MUC5AC: variants seen among roughly 807,000 people sequenced by gnomAD.
MUC5AC encodes mucin-5AC.
Under a neutral mutation model 169.7 loss-of-function variants are expected in MUC5AC, and 158 were observed. The ratio of observed to expected loss-of-function variants is 0.93; its 90% confidence interval spans 0.82 to 1.06. MUC5AC has a LOEUF of 1.06. MUC5AC is among the 50% of genes least tolerant of loss of function. The probability of loss-of-function intolerance (pLI) is 0.00; values close to 1 mark genes in which losing one functional copy is unlikely to be tolerated. For synonymous variants in MUC5AC, 1,975 were observed against 1,237.0 expected (o/e 1.60, Z -12.52); for missense variants, 4,359 against 3,089.9 (o/e 1.41, Z -9.74).
intron 15 of MUC5AC, among the ~76,000 whole-genome samples, chr11:1,169,980 AC>A (rs1860453275): frequency 7.4e-6 from 1 of 134,900 alleles, no homozygotes; most frequent in Admixed American, 7.4e-5. Context: ...CTACTCACTC[AC>A]CCACTCACCC....
rs1486750592 is a variant in MUC5AC, at chr11:1,187,526, T to A, written c.9381T>A (p.Ile3127=). Residue 3127 remains isoleucine, a synonymous_variant, in exon 31 of 49, where the codon ATT becomes ATA. Coordinates refer to ENST00000621226, the MANE Select transcript of MUC5AC (RefSeq NM_001304359.2). ...TSGLGTTPSP[I]PTTSTTSPPT... is the part of the protein sequence containing the mutation. ...GTCTTGGAACTACTCCCAGCCCTAT[T>A]CCTACCACCAGCACAACCTCTCCTC... The A allele has an allele frequency of 4.0e-6, 3 of 742,586 alleles. No homozygotes were observed. The highest frequency in any genetic ancestry group is 3.6e-5 in the Admixed American group (2 of 55,464). The allele number at this position is 742,586 out of a possible 1,614,324, so 46.0% of individuals were successfully genotyped here. A position where few individuals can be genotyped will look rare whatever the true frequency, so the allele number is the denominator to read the frequency against.
At position 1,188,050 on chromosome 11, in the gene MUC5AC, A is replaced by T; in HGVS notation, c.9905A>T (p.Asp3302Val). Reference protein sequence around the residue: ...REEGLVCRNQDQQGPFKMCLN... With the variant: ...REEGLVCRNQVQQGPFKMCLN... ...GAGGGCCTGGTGTGCCGGAACCAGG[A>T]CCAGCAGGGACCCTTCAAGATGTGC... Residue 3302 changes from aspartate to valine, a missense_variant, in exon 31 of 49, where the codon GAC (aspartate) becomes GTC (valine). Physicochemically the swap from Asp to Val is radical, Grantham distance 152 (BLOSUM62 -3). Coordinates refer to ENST00000621226, the MANE Select transcript of MUC5AC (RefSeq NM_001304359.2). The T allele has an allele frequency of 1.3e-6, 1 of 750,734 alleles. No individual in the cohort carries two copies. Among genetic ancestry groups the T allele is most frequent in the Non-Finnish European group, 2.4e-6 (1 of 410,442 alleles). 46.5% of individuals were successfully genotyped at this position (750,734 alleles called of 1,614,324 possible).
chr11:1,190,292 C>G lies in MUC5AC; in HGVS notation c.12147C>G (p.Leu4049=). 2 of 701,156 alleles carry G rather than the reference C, an allele frequency of 2.9e-6. No homozygotes were observed. 43.4% of individuals were successfully genotyped at this position (701,156 alleles called of 1,614,324 possible). A position where few individuals can be genotyped will look rare whatever the true frequency, so the allele number is the denominator to read the frequency against. ...KMCLNYEVRV[L]CCETPKGCPV... The stretch of plus-strand genomic sequence containing the variant: ...GCCTCAACTACGAGGTGCGTGTGCT[C>G]TGCTGCGAGACCCCCAAAGGCTGCC... The change falls in exon 31 of 49, where the codon CTC becomes CTG. Residue 4049 remains leucine (L), a synonymous_variant. Transcript: ENST00000621226.
intron 37 of MUC5AC, 63 bp from the exon 38 acceptor site, chr11:1,196,325 G>A (rs888901573): frequency 1.2e-5 from 9 of 753,450 alleles, no homozygotes; most frequent in African/African-American, 6.8e-5. Context: ...GGTGCCCAGC[G>A]GCCCGCGTTG....
rs1283261271 is a variant in MUC5AC at position 1,189,998 on chromosome 11, A to T, written c.11853A>T (p.Arg3951Ser). The T allele has an allele frequency of 2.5e-4, 191 of 765,142 alleles. 2 individuals are homozygous for T. Among genetic ancestry groups the T allele is most frequent in the South Asian group, 2.4e-3 (182 of 74,620 alleles). 47.4% of individuals were successfully genotyped at this position (765,142 alleles called of 1,614,324 possible). ...CAACCCACTCCCAACCAGTCACCAGAGACTGTCATCCCCGGTGCACCTGGA... is the reference window on the plus strand; with the variant it reads ...CAACCCACTCCCAACCAGTCACCAGTGACTGTCATCCCCGGTGCACCTGGA... ...SKTTHSQPVT[R>S]DCHPRCTWTK... Residue 3951 changes from arginine to serine, a missense_variant, in exon 31 of 49, where the codon AGA becomes AGT. Physicochemically the swap from Arg to Ser is moderately radical, Grantham distance 110. Transcript: ENST00000621226.
rs1298375466 is a variant in MUC5AC, at chr11:1,171,084, A to C, written c.1871-1345A>C. On this transcript the variant is annotated intron_variant, in intron 15 of 48. Transcript: ENST00000621226. ...CCCACTCACCGACTCACCCATTCAC[A>C]CACTCACCGACTCAACCATTCACTC... 1.9e-3 allele frequency among the ~76,000 whole-genome samples: 180 copies of C among 96,546 alleles called. 2 individuals are homozygous for C. The highest frequency in any genetic ancestry group is 2.2e-3 in the Non-Finnish European group (89 of 40,934). 63.3% of individuals were successfully genotyped at this position (96,546 alleles called of 152,430 possible). A position where few individuals can be genotyped will look rare whatever the true frequency, so the allele number is the denominator to read the frequency against.
At position 1,193,629 on chromosome 11, in the gene MUC5AC, G is replaced by A. The variant is rs1564918142; in HGVS notation, c.14725G>A (p.Asp4909Asn). ...GYPAVKVADQ[D>N]GCCHHYQCQC... ...CCCGGCTGTGAAGGTGGCTGACCAA[G>A]ATGGCTGCTGCCATCACTACCAGTG... The change falls in exon 33 of 49, where the codon GAT (aspartate) becomes AAT (asparagine). Residue 4909 changes from aspartate (D) to asparagine (N), a missense_variant. By Grantham distance (23) the Asp-to-Asn change is conservative. Transcript: ENST00000621226. 1.3e-6 allele frequency: 1 copy of A among 765,004 alleles called. No homozygotes were observed. Among genetic ancestry groups the A allele is most frequent in the Admixed American group, 1.7e-5 (1 of 59,036 alleles). The allele number at this position is 765,004 out of a possible 1,614,324, so 47.4% of individuals were successfully genotyped here. A position where few individuals can be genotyped will look rare whatever the true frequency, so the allele number is the denominator to read the frequency against.
Position 1,162,583 on chromosome 11 carries a change from C to A in MUC5AC, c.525C>A (p.Ser175Arg), listed in dbSNP as rs1292719122. 3 of 1,612,764 alleles carry A rather than the reference C, an allele frequency of 1.9e-6. No homozygotes were observed. Among genetic ancestry groups the A allele is most frequent in the Non-Finnish European group, 2.5e-6 (3 of 1,179,874 alleles). ...GGGTCCTCATTCAGCAGAGCAGCAG[C>A]TACACCAAGGTGGAGGCCAGGCTGG... ...QSGVLIQQSS[S>R]YTKVEARLGL... The change falls in exon 5 of 49, where the codon AGC becomes AGA. Residue 175 changes from serine to arginine, a missense_variant. Coordinates refer to ENST00000621226, the MANE Select transcript of MUC5AC (RefSeq NM_001304359.2).
chr11:1,193,356 G>C (rs1861172728), intron 32 of MUC5AC, 129 bp from the exon 33 acceptor site: 1 of 616,714 alleles, frequency 1.6e-6, no homozygotes, highest in Non-Finnish European at 2.9e-6. Context: ...GGTGGGGCAG[G>C]AAGGAAACTG....
At chr11:1,159,380 G>A (rs954747610) in intron 1 of MUC5AC, among the ~76,000 whole-genome samples, 21 of 148,814 alleles carry the variant, frequency 1.4e-4, no homozygotes, top group Middle Eastern at 3.4e-3. Flanking sequence ...GGGGCTGTGC[G>A]GGGCTGGGGT....
rs1470594591 is a variant in MUC5AC, at chr11:1,178,583, C to T, written c.3227C>T (p.Ala1076Val). 2.7e-5 allele frequency: 38 copies of T among 1,408,748 alleles called. No individual in the cohort carries two copies. In the East Asian group the frequency reaches 5.7e-4, roughly 21 times the overall value. 87.3% of individuals were successfully genotyped at this position (1,408,748 alleles called of 1,614,324 possible). ...TCCCCCTCCTGCCCAGATGCCCTGG[C>T]GCCCAAGGACCCCTGCACGGCCAAC... Reference protein sequence around the residue: ...KLSPSCPDALAPKDPCTANPF... With the variant: ...KLSPSCPDALVPKDPCTANPF... The change falls in exon 25 of 49, where the codon GCG (alanine) becomes GTG (valine). Residue 1076 changes from alanine (A) to valine (V), a missense_variant. Ala to Val is a moderately conservative substitution (Grantham distance 64). Coordinates refer to ENST00000621226, the MANE Select transcript of MUC5AC (RefSeq NM_001304359.2).
chr11:1,178,524 G>T lies in MUC5AC; in HGVS notation c.3168G>T (p.Gly1056=). The part of the protein sequence containing the change: ...DFATRSRSVV[G]DVLEFGNSWK... ...CCACGCGGAGCCGGTCTGTGGTGGG[G>T]GACGTGCTGGAGTTTGGGAACAGCT... Residue 1056 remains glycine (G), a synonymous_variant, in exon 25 of 49, where the codon GGG becomes GGT. Transcript: ENST00000621226. 7.8e-7 allele frequency: 1 copy of T among 1,287,168 alleles called. No homozygotes were observed. 79.7% of individuals were successfully genotyped at this position (1,287,168 alleles called of 1,614,324 possible).
chr11:1,183,308 C>T lies in MUC5AC; in HGVS notation c.5163C>T (p.Ser1721=), dbSNP rs2133753438. 4 of 462,874 alleles carry T rather than the reference C, an allele frequency of 8.6e-6. No individual in the cohort carries two copies. Among genetic ancestry groups the T allele is most frequent in the East Asian group, 6.6e-5 (2 of 30,490 alleles). 28.7% of individuals were successfully genotyped at this position (462,874 alleles called of 1,614,324 possible). A position where few individuals can be genotyped will look rare whatever the true frequency, so the allele number is the denominator to read the frequency against. Residue 1721 remains serine, a synonymous_variant, in exon 31 of 49, where the codon TCC becomes TCT. Coordinates refer to ENST00000621226, the MANE Select transcript of MUC5AC (RefSeq NM_001304359.2). ...SASTEQPTAT[S]RGGPTATSVT... ...CCACAGAGCAACCCACGGCAACCTCCAGGGGTGGGCCCACAGCAACCAGCG... is the reference window on the plus strand; with the variant it reads ...CCACAGAGCAACCCACGGCAACCTCTAGGGGTGGGCCCACAGCAACCAGCG...
In MUC5AC at chr11:1,189,411, C is replaced by G. The variant is rs1408787429; in HGVS notation, c.11266C>G (p.Pro3756Ala). The G allele has an allele frequency of 3.3e-5, 19 of 574,700 alleles. No homozygotes were observed. The highest frequency in any genetic ancestry group is 6.2e-6 in the Non-Finnish European group (2 of 324,424). 35.6% of individuals were successfully genotyped at this position (574,700 alleles called of 1,614,324 possible). The change falls in exon 31 of 49, where the codon CCC (proline) becomes GCC (alanine). Residue 3756 changes from proline (P) to alanine (A), a missense_variant. Pro to Ala is a conservative substitution (Grantham distance 27). Transcript: ENST00000621226. ...CCCTACAACCAGCACAACCTCTGCT[C>G]CCACAGCCAGCACAACGTCAGCTCC... The part of the protein sequence containing the change: ...SAPTTSTTSA[P>A]TASTTSAPTS...
At chr11:1,175,957 A>C in intron 19 of MUC5AC, among the ~76,000 whole-genome samples, 194 bp from the exon 20 acceptor site, 1 of 114,196 alleles carries the variant, frequency 8.8e-6, no homozygotes, top group Non-Finnish European at 1.8e-5. Context: ...ACACACTCAC[A>C]CCCAGTTATG....
intron 1 of MUC5AC, 150 bp from the exon 2 acceptor site, chr11:1,160,462 C>T (rs1014844052): frequency 4.6e-6 from 3 of 655,884 alleles, no homozygotes; most frequent in African/African-American, 3.6e-5. Context: ...TAGGACCCCC[C>T]CAACCCAGCA....
chr11:1,162,907 C>G, intron 5 of MUC5AC, 48 bp from the exon 6 acceptor site: 4 of 1,547,150 alleles, frequency 2.6e-6, no homozygotes, highest in Non-Finnish European at 3.6e-6. Flanking sequence ...CCTCATCTGT[C>G]CATCTGCCCC....
At chr11:1,194,427 A>G in intron 34 of MUC5AC, 60 bp from the exon 35 acceptor site, 1 of 712,574 alleles carries the variant, frequency 1.4e-6, no homozygotes, top group Non-Finnish European at 2.6e-6. Context: ...GAGCCTGAGC[A>G]GCGGCTGACC....
At chr11:1,162,876 C>T (rs1860186213) in intron 5 of MUC5AC, 79 bp from the exon 6 acceptor site, 6 of 1,429,726 alleles carry the variant, frequency 4.2e-6, no homozygotes, top group Non-Finnish European at 5.9e-6. Context: ...TCGGCCCCTC[C>T]TCGGAAATCT....
Sources: gnomAD v4.1 joint callset for allele counts (sites outside exome capture counted in the v4.1 genomes callset) on GRCh38, gnomAD v4.1.1 for gene constraint, MANE v1.5 for transcripts, NCBI Gene and HGNC (gene_info 2026-07-23, HGNC 2026-07-21) for gene names.